The following SF3B2 variants were observed in gnomAD, a reference collection of about 807,000 sequenced individuals.
The protein encoded by SF3B2 is SAP 145.
A neutral mutation model predicts 116.3 loss-of-function variants in SF3B2; 22 were observed. The ratio of observed to expected loss-of-function variants is 0.19; its 90% CI spans 0.14 to 0.27. SF3B2 has a LOEUF of 0.27. SF3B2 is among the 10% of genes least tolerant of loss of function. The probability of loss-of-function intolerance (pLI) is 1.00; values close to 1 mark genes in which losing one functional copy is unlikely to be tolerated. For missense variants in SF3B2, 767 were observed against 1,151.4 expected, an observed-to-expected ratio of 0.67 and a Z score of 4.83; for synonymous variants, 406 against 421.6, an observed-to-expected ratio of 0.96 and a Z score of 0.45.
At chr11:66,061,086 G>A (rs1455083014) in intron 14 of SF3B2, among the ~76,000 whole-genome samples, 4 of 152,142 alleles carry the variant, frequency 2.6e-5, no homozygotes, top group Admixed American at 1.3e-4. Context: ...ATGAACCACC[G>A]CACCTGGCCA....
rs1857021511 is a variant in SF3B2 at position 66,057,425 on chromosome 11, G to A, written c.777+50G>A. ...GGATAAGAGAGTGGTAGTTTAGGATGGGACTATTTTTGGATTTTTAGAGAA... is the reference window on the plus strand; with the variant it reads ...GGATAAGAGAGTGGTAGTTTAGGATAGGACTATTTTTGGATTTTTAGAGAA... On this transcript the variant is annotated intron_variant, in intron 7 of 21. Transcript: ENST00000322535. 4 of 914,548 alleles carry A rather than the reference G, an allele frequency of 4.4e-6. No homozygotes were observed. The East Asian group carries it at 9.7e-5, about 22-fold the overall frequency. The allele number at this position is 914,548 out of a possible 1,614,324, so 56.7% of individuals were successfully genotyped here.
chr11:66,064,711 T>C (rs1857151915), intron 19 of SF3B2: 1 of 152,186 alleles, frequency 6.6e-6, no homozygotes, highest in African/African-American at 2.4e-5. Context: ...GGCTTAAGCC[T>C]GTAATCTCAG....
At chr11:66,064,413 T>A (rs1347056627) in intron 19 of SF3B2, among the ~76,000 whole-genome samples, 1 of 152,232 alleles carries the variant, frequency 6.6e-6, no homozygotes, top group Non-Finnish European at 1.5e-5. Flanking sequence ...TTCCAGATAG[T>A]ATTAAGAGCC....
intron 3 of SF3B2, chr11:66,053,362 C>G (rs1294430387): frequency 1.8e-5 from 9 of 502,898 alleles, no homozygotes. Flanking sequence ...CACTTGCCTC[C>G]TTTTCCACTG....
intron 19 of SF3B2, 100 bp downstream of exon 19, chr11:66,063,829 T>A: frequency 1.0e-6 from 1 of 953,520 alleles, no homozygotes. Context: ...TTTAAACAAT[T>A]ATTGAACCAA....
At position 66,053,014 on chromosome 11, in the gene SF3B2, T is replaced by C; in HGVS notation, c.181-13T>C. On this transcript the variant is annotated splice_polypyrimidine_tract_variant and intron_variant, in intron 2 of 21. Transcript: ENST00000322535. ...TAGTTTTGGACTGACCTAGAGTCCT[T>C]TCTCTTTTGCAGACTGGCATCGTGC... The C allele has an allele frequency of 2.5e-6, 4 of 1,613,988 alleles. No individual in the cohort carries two copies. The highest frequency in any genetic ancestry group is 3.4e-6 in the Non-Finnish European group (4 of 1,179,832).
intron 3 of SF3B2, among the ~76,000 whole-genome samples, chr11:66,054,270 A>G (rs1211776523): frequency 6.6e-5 from 10 of 151,880 alleles, no homozygotes; most frequent in Non-Finnish European, 1.5e-4. Context: ...TGAGGTCACG[A>G]GTTCAAGACC....
In SF3B2 at chr11:66,063,006, C is replaced by T. The variant is rs1470838846; in HGVS notation, c.1978-3C>T. 2.5e-6 allele frequency: 4 copies of T among 1,609,630 alleles called. No homozygotes were observed. The highest frequency in any genetic ancestry group is 3.4e-6 in the Non-Finnish European group (4 of 1,176,694). ...TGAACTGATTGTGCTCACTGTCTTG[C>T]AGAGCTGTTCCTTTGGGTACCATGC... On this transcript the variant is annotated splice_region_variant and splice_polypyrimidine_tract_variant and intron_variant, in intron 16 of 21. Coordinates refer to ENST00000322535, the MANE Select transcript of SF3B2 (RefSeq NM_006842.3).
chr11:66,068,291 G>A lies in SF3B2; in HGVS notation c.2574G>A (p.Glu858=), dbSNP rs767830471. The A allele has an allele frequency of 6.2e-7, 1 of 1,613,760 alleles. No individual in the cohort carries two copies. Among genetic ancestry groups the A allele is most frequent in the Non-Finnish European group, 8.5e-7 (1 of 1,179,970 alleles). The change falls in exon 21 of 22, where the codon GAG becomes GAA. Residue 858 remains glutamate (E), a synonymous_variant. Transcript: ENST00000322535. Reference sequence around the variant, plus strand: ...AGCAGCAGGCTCAAGTAGAGAAGGAGGACTTCAGTGACATGGTGGCTGAGC... The same window carrying A: ...AGCAGCAGGCTCAAGTAGAGAAGGAAGACTTCAGTGACATGGTGGCTGAGC... ...VREQQAQVEK[E]DFSDMVAEHA... is the part of the protein sequence containing the mutation.
chr11:66,068,345 C>T lies in SF3B2; in HGVS notation c.2616+12C>T, dbSNP rs746912712. 1.9e-6 allele frequency: 3 copies of T among 1,593,776 alleles called. No homozygotes were observed. The highest frequency in any genetic ancestry group is 2.2e-5 in the East Asian group (1 of 44,458). On this transcript the variant is annotated intron_variant, in intron 21 of 21. Coordinates refer to ENST00000322535, the MANE Select transcript of SF3B2 (RefSeq NM_006842.3). The stretch of plus-strand genomic sequence containing the variant: ...CTGCCAAACAGAAGGTAGGCGCTTC[C>T]AGGGGCGCTGGGCTGGGTGAGAGCC...
At position 66,069,009 on chromosome 11, in the gene SF3B2, A is replaced by C; in HGVS notation, c.*264A>C. On this transcript the variant is annotated 3_prime_UTR_variant, in exon 22 of 22. Coordinates refer to ENST00000322535, the MANE Select transcript of SF3B2 (RefSeq NM_006842.3). ...GGCTGCCCCAGTAACCACGAACATAAACTGGGATTAGACGGCGCATTTGAC... is the reference window on the plus strand; with the variant it reads ...GGCTGCCCCAGTAACCACGAACATACACTGGGATTAGACGGCGCATTTGAC... 2.2e-6 allele frequency: 1 copy of C among 460,478 alleles called. No homozygotes were observed. The highest frequency in any genetic ancestry group is 4.0e-6 in the Non-Finnish European group (1 of 248,922). 28.5% of individuals were successfully genotyped at this position (460,478 alleles called of 1,614,324 possible).
intron 6 of SF3B2, 59 bp from the exon 7 acceptor site, chr11:66,057,207 A>AT: frequency 8.8e-7 from 1 of 1,138,290 alleles, no homozygotes; most frequent in Non-Finnish European, 1.3e-6. Context: ...AAGAGAGGTA[A>AT]TTTTTTACGT....
Position 66,052,448 on chromosome 11 carries a change from G to T in SF3B2, c.64G>T (p.Gly22Cys). Reference protein sequence around the residue: ...ELQLPPPPPPGHYGAWAAQEL... With the variant: ...ELQLPPPPPPCHYGAWAAQEL... ...GCAGCTGCCGCCGCCGCCACCTCCAGGCCACTATGGCGCCTGGGCTGCCCA... is the reference window on the plus strand; with the variant it reads ...GCAGCTGCCGCCGCCGCCACCTCCATGCCACTATGGCGCCTGGGCTGCCCA... Residue 22 changes from glycine to cysteine, a missense_variant, in exon 1 of 22, where the codon GGC becomes TGC. By Grantham distance (159) the Gly-to-Cys change is radical. Coordinates refer to ENST00000322535, the MANE Select transcript of SF3B2 (RefSeq NM_006842.3). 2 of 1,613,668 alleles carry T rather than the reference G, an allele frequency of 1.2e-6. No homozygotes were observed. The highest frequency in any genetic ancestry group is 1.7e-6 in the Non-Finnish European group (2 of 1,179,916).
At chr11:66,056,269 G>A (rs895546204) in intron 5 of SF3B2, among the ~76,000 whole-genome samples, 68 of 151,882 alleles carry the variant, frequency 4.5e-4, no homozygotes, top group African/African-American at 1.5e-3. Flanking sequence ...GTGTGGCGGC[G>A]CATGCCTGTA....
At chr11:66,065,091 C>T (rs913065196) in intron 19 of SF3B2, 1 of 152,164 alleles carries the variant, frequency 6.6e-6, no homozygotes, top group Non-Finnish European at 1.5e-5. Flanking sequence ...CCTGTTTCAG[C>T]CTCCCGAGTA....
chr11:66,054,634 G>A (rs537189582), intron 3 of SF3B2, among the ~76,000 whole-genome samples: 66 of 152,212 alleles, frequency 4.3e-4, no homozygotes, highest in African/African-American at 1.4e-3. Flanking sequence ...CACCCCTTGC[G>A]TTTAGTAGTC....
At chr11:66,057,995 G>GAA in intron 7 of SF3B2, 59 bp from the exon 8 acceptor site, 16 of 993,894 alleles carry the variant, frequency 1.6e-5, no homozygotes, top group Non-Finnish European at 2.0e-5. Context: ...AAGAAAGAAA[G>GAA]AAAAAAAAAA....
At position 66,059,601 on chromosome 11, in the gene SF3B2, A is replaced by ACTTGAGAT; in HGVS notation, c.1401+7_1401+8insTTGAGATC. 1 of 1,613,772 alleles carries ACTTGAGAT rather than the reference A, an allele frequency of 6.2e-7. No homozygotes were observed. The highest frequency in any genetic ancestry group is 8.5e-7 in the Non-Finnish European group (1 of 1,179,814). On this transcript the variant is annotated splice_region_variant and intron_variant, in intron 12 of 21. Coordinates refer to ENST00000322535, the MANE Select transcript of SF3B2 (RefSeq NM_006842.3). This position sits in a 1 kb window ranked among gnomAD's most constrained non-coding sequence, Gnocchi z 5.0. ...CTGTGGCTGAACTCAAGCAGGTAAG[A>ACTTGAGAT]CCTGAGAGGATCCTGCAGGCCCTGG...
Position 66,055,550 on chromosome 11 carries a change from C to T in SF3B2, c.514C>T (p.Leu172=), listed in dbSNP as rs367819128. ...ERAKQQGDHS[L]KEHELLEQQK... ...CTTTTTTAAGCAGGGAGATCATTCG[C>T]TGAAGGAACATGAGCTCTTGGAGCA... is the stretch of plus-strand genomic sequence containing the variant. Residue 172 remains leucine (L), a synonymous_variant, in exon 5 of 22, where the codon CTG becomes TTG. Transcript: ENST00000322535. 6.9e-5 allele frequency: 111 copies of T among 1,614,068 alleles called. No homozygotes were observed. Among genetic ancestry groups the T allele is most frequent in the Non-Finnish European group, 7.1e-5 (84 of 1,180,048 alleles).
Sources: gnomAD v4.1 joint callset for allele counts (sites outside exome capture counted in the v4.1 genomes callset) on GRCh38, gnomAD v4.1.1 for gene constraint, Gnocchi (gnomAD v3.1) non-coding constraint, MANE v1.5 for transcripts, NCBI Gene and HGNC (gene_info 2026-07-23, HGNC 2026-07-21) for gene names.